Variants in ULBP3 observed in about 807,000 individuals in gnomAD.
ULBP3 encodes UL16-binding protein 3.
In ULBP3, 25 loss-of-function variants were observed where a neutral mutation model predicts 24.9. The ratio of observed to expected loss-of-function variants is 1.00; its 90% CI spans 0.73 to 1.40. The LOEUF is 1.40. Among genes scored for constraint, ULBP3 ranks in the 40% most tolerant of loss-of-function variants. The pLI is 0.00. For missense variants in ULBP3, 306 were observed against 307.5 expected (o/e 1.00, Z 0.04); for synonymous variants, 114 against 114.7 (o/e 0.99, Z 0.04).
Position 150,065,912 on chromosome 6 carries a change from A to G in ULBP3, c.339T>C (p.Asp113=). ...TCTTTCACTCACCACTGGGTGTGAA[A>G]TCCTCCAGCTCAGTGTCAGCCAGTT... ...RLELADTELE[D]FTPSGPLTLQ... is the part of the protein sequence containing the mutation. The change falls in exon 2 of 5, where the codon GAT becomes GAC. Residue 113 remains aspartate, a synonymous_variant. Transcript: ENST00000367339. The G allele has an allele frequency of 6.2e-7, 1 of 1,613,914 alleles. No homozygotes were observed. The highest frequency in any genetic ancestry group is 8.5e-7 in the Non-Finnish European group (1 of 1,180,000).
Position 150,061,563 on chromosome 6 carries a change from T to C in ULBP3, c.*1811A>G, listed in dbSNP as rs1192690774. Among the ~76,000 whole-genome samples the C allele has an allele frequency of 2.6e-5, 4 of 152,228 alleles. No individual in the cohort carries two copies. The highest frequency in any genetic ancestry group is 2.1e-4 in the South Asian group (1 of 4,832). ...GGATAATAGCCTCTAGTTCCATCCA[T>C]GTTGCTGAAAAGGACATGATTTTGC... is the stretch of plus-strand genomic sequence containing the variant. On this transcript the variant is annotated 3_prime_UTR_variant, in exon 5 of 5. Coordinates refer to ENST00000367339, the MANE Select transcript of ULBP3 (RefSeq NM_024518.3).
At chr6:150,067,459 C>A (rs1351874701) in intron 1 of ULBP3, among the ~76,000 whole-genome samples, 2 of 152,210 alleles carry the variant, frequency 1.3e-5, no homozygotes, top group African/African-American at 4.8e-5. Flanking sequence ...ACTTGCTCCC[C>A]TGTTACTCAT....
chr6:150,063,944 G>A lies in ULBP3; in HGVS notation c.*23-593C>T, dbSNP rs148912591. Among the ~76,000 whole-genome samples, 106 of 152,300 alleles carry A rather than the reference G, an allele frequency of 7.0e-4. 1 individual carries two copies. The highest frequency in any genetic ancestry group is 6.8e-3 in the Middle Eastern group (2 of 294). On this transcript the variant is annotated intron_variant, in intron 4 of 4. Coordinates refer to ENST00000367339, the MANE Select transcript of ULBP3 (RefSeq NM_024518.3). Reference sequence around the variant, plus strand: ...AGTGTGCACGAGGCAGAATGGCAGTGGCATCGTCCCAGGGCCTAGCCAGGA... The same window carrying A: ...AGTGTGCACGAGGCAGAATGGCAGTAGCATCGTCCCAGGGCCTAGCCAGGA...
rs75383471 is a variant in ULBP3, at chr6:150,066,715, C to A, written c.89-553G>T. 7.2e-3 allele frequency among the ~76,000 whole-genome samples: 1,100 copies of A among 152,204 alleles called. 9 individuals carry two copies. The highest frequency in any genetic ancestry group is 0.025 in the African/African-American group (1,040 of 41,522). ...AGGAACAAAATACTAAGAGAAGTGCCCATGCCAGAGTGACTGCAGTATGAA... is the reference window on the plus strand; with the variant it reads ...AGGAACAAAATACTAAGAGAAGTGCACATGCCAGAGTGACTGCAGTATGAA... On this transcript the variant is annotated intron_variant, in intron 1 of 4. Transcript: ENST00000367339.
rs191096571 is a variant in ULBP3 at position 150,062,122 on chromosome 6, T to C, written c.*1252A>G. Among the ~76,000 whole-genome samples, 40 of 152,378 alleles carry C rather than the reference T, an allele frequency of 2.6e-4. No individual in the cohort carries two copies. Among genetic ancestry groups the C allele is most frequent in the Non-Finnish European group, 4.6e-4 (31 of 68,046 alleles). On this transcript the variant is annotated 3_prime_UTR_variant, in exon 5 of 5. Transcript: ENST00000367339. The stretch of plus-strand genomic sequence containing the variant: ...TTAAGTACTTTGTAGATTCTGGATA[T>C]TGGACCTTTGTCAGATGCAGAGTTT...
chr6:150,065,735 C>T (rs1401641324), intron 2 of ULBP3, 62 bp from the exon 3 acceptor site: 2 of 1,597,176 alleles, frequency 1.3e-6, no homozygotes, highest in East Asian at 2.2e-5. Context: ...GTCCCACATC[C>T]TCCTATGCTG....
chr6:150,063,594 A>T (rs573373013), intron 4 of ULBP3, among the ~76,000 whole-genome samples: 1 of 152,292 alleles, frequency 6.6e-6, no homozygotes, highest in South Asian at 2.1e-4. Context: ...GCTGGTAATG[A>T]GGGGTCTGCA....
Position 150,062,897 on chromosome 6 carries a change from T to C in ULBP3, c.*477A>G, listed in dbSNP as rs1400808466. 2.0e-5 allele frequency among the ~76,000 whole-genome samples: 3 copies of C among 150,372 alleles called. No homozygotes were observed. Among genetic ancestry groups the C allele is most frequent in the Admixed American group, 6.6e-5 (1 of 15,114 alleles). On this transcript the variant is annotated 3_prime_UTR_variant, in exon 5 of 5. Coordinates refer to ENST00000367339, the MANE Select transcript of ULBP3 (RefSeq NM_024518.3). ...GCAGGTGGATCATGAGGTCAGGAGA[T>C]CGAGACCATCCTGGCTAACAAGGTG...
chr6:150,068,898 T>G, intron 1 of ULBP3, 81 bp downstream of exon 1: 1 of 1,412,226 alleles, frequency 7.1e-7, no homozygotes, highest in Non-Finnish European at 9.5e-7. Context: ...TCTAGAAGGC[T>G]TCCCTCCTCT....
intron 4 of ULBP3, among the ~76,000 whole-genome samples, chr6:150,064,222 T>C (rs1192417251): frequency 2.6e-5 from 4 of 152,190 alleles, no homozygotes; most frequent in African/African-American, 9.6e-5. Flanking sequence ...CCTCTCCTAC[T>C]GTGCAGACTG....
At chr6:150,066,317 G>A (rs1236686260) in intron 1 of ULBP3, among the ~76,000 whole-genome samples, 155 bp from the exon 2 acceptor site, 1 of 152,124 alleles carries the variant, frequency 6.6e-6, no homozygotes, top group Non-Finnish European at 1.5e-5. Flanking sequence ...ACCATGGGTC[G>A]CTAACATGTC....
chr6:150,067,806 T>C (rs1288349444), intron 1 of ULBP3, among the ~76,000 whole-genome samples: 1 of 152,186 alleles, frequency 6.6e-6, no homozygotes, highest in African/African-American at 2.4e-5. Context: ...GTGGATTTCA[T>C]GGCTATTCCC....
chr6:150,061,136 G>A lies in ULBP3; in HGVS notation c.*2238C>T, dbSNP rs1199598462. The stretch of plus-strand genomic sequence containing the variant: ...ACAATTATCATCATATACAACTTAC[G>A]ATTATTTTAAATGACTAGAGTTTAG... On this transcript the variant is annotated 3_prime_UTR_variant, in exon 5 of 5. Transcript: ENST00000367339. Among the ~76,000 whole-genome samples, 1 of 151,968 alleles carries A rather than the reference G, an allele frequency of 6.6e-6. No homozygotes were observed. Among genetic ancestry groups the A allele is most frequent in the Non-Finnish European group, 1.5e-5 (1 of 68,018 alleles).
At chr6:150,065,052 G>A (rs1776325216) in intron 3 of ULBP3, among the ~76,000 whole-genome samples, 1 of 152,126 alleles carries the variant, frequency 6.6e-6, no homozygotes, top group Non-Finnish European at 1.5e-5. Flanking sequence ...CCAAGGGAGA[G>A]GAAAGGAAAA....
chr6:150,065,276 C>T (rs1016358140), intron 3 of ULBP3, 122 bp downstream of exon 3: 1 of 1,364,278 alleles, frequency 7.3e-7, no homozygotes. Flanking sequence ...CACACTCACA[C>T]ATACATAGAC....
In ULBP3 at chr6:150,065,114, C is replaced by T. The variant is rs549253053; in HGVS notation, c.628+284G>A. On this transcript the variant is annotated intron_variant, in intron 3 of 4. Transcript: ENST00000367339. ...GGAGAAAGGTCTAGAAACACAATGA[C>T]GCCCACAGTTTTGAGGCTGGTGAGA... Among the ~76,000 whole-genome samples, 8 of 151,982 alleles carry T rather than the reference C, an allele frequency of 5.3e-5. No individual in the cohort carries two copies. In the East Asian group the frequency reaches 5.8e-4, roughly 11 times the overall value.
At position 150,062,944 on chromosome 6, in the gene ULBP3, T is replaced by C. The variant is rs186590741; in HGVS notation, c.*430A>G. ...GGTGAAACCCTGTCTCTACTAAAAA[T>C]ACAAAAAATTAGCCGGGCGCGGTGG... On this transcript the variant is annotated 3_prime_UTR_variant, in exon 5 of 5. Coordinates refer to ENST00000367339, the MANE Select transcript of ULBP3 (RefSeq NM_024518.3). 0.017 allele frequency among the ~76,000 whole-genome samples: 2,510 copies of C among 148,238 alleles called. 75 individuals carry two copies. The highest frequency in any genetic ancestry group is 0.058 in the African/African-American group (2,317 of 39,982).
At position 150,065,442 on chromosome 6, in the gene ULBP3, A is replaced by T. The variant is rs755287168; in HGVS notation, c.584T>A (p.Leu195His). 1.9e-6 allele frequency: 3 copies of T among 1,614,028 alleles called. No homozygotes were observed. Among genetic ancestry groups the T allele is most frequent in the Admixed American group, 1.7e-5 (1 of 60,002 alleles). Residue 195 changes from leucine (L) to histidine (H), a missense_variant, in exon 3 of 5, where the codon CTT (leucine) becomes CAT (histidine). By Grantham distance (99) the Leu-to-His change is moderately conservative (BLOSUM62 -3). Coordinates refer to ENST00000367339, the MANE Select transcript of ULBP3 (RefSeq NM_024518.3). Reference sequence around the variant, plus strand: ...CTTCCTGTGCATCAGGAAGTCCCTAAGCCAGCTCTTGCAGTCTCTCATTGA... The same window carrying T: ...CTTCCTGTGCATCAGGAAGTCCCTATGCCAGCTCTTGCAGTCTCTCATTGA... ...MVSMRDCKSW[L>H]RDFLMHRKKR... is the part of the protein sequence containing the mutation.
chr6:150,068,066 G>A (rs1776372895), intron 1 of ULBP3, among the ~76,000 whole-genome samples: 1 of 152,110 alleles, frequency 6.6e-6, no homozygotes, highest in African/African-American at 2.4e-5. Context: ...TCCTGGGATG[G>A]GCAGGAGCAG....
Sources: gnomAD v4.1 joint callset for allele counts (sites outside exome capture counted in the v4.1 genomes callset) on GRCh38, gnomAD v4.1.1 for gene constraint, MANE v1.5 for transcripts, NCBI Gene and HGNC (gene_info 2026-07-23, HGNC 2026-07-21) for gene names.